The following PKN2 variants were observed in gnomAD, a reference collection of about 807,000 sequenced individuals.
PKN2 encodes the protein serine/threonine-protein kinase N2.
PKN2 carries 38 observed loss-of-function variants against 119.1 expected under a neutral mutation model. The observed-to-expected ratio is 0.32, with a 90% CI of 0.25 to 0.42. The LOEUF (loss-of-function observed/expected upper bound fraction) is 0.42. Ranked by LOEUF, PKN2 falls within the 10% of genes least tolerant of loss-of-function variation. The pLI, the probability that PKN2 is intolerant of heterozygous loss-of-function variation, is 1.00. For missense variants in PKN2, 850 were observed against 1,165.1 expected (o/e 0.73, Z 3.94); for synonymous variants, 390 against 384.9 (o/e 1.01, Z -0.15).
chr1:88,717,895 A>G (rs532574571), intron 1 of PKN2, among the ~76,000 whole-genome samples: 1 of 152,216 alleles, frequency 6.6e-6, no homozygotes, highest in African/African-American at 2.4e-5. Context: ...TAGAATTTTC[A>G]GCTTTTCTGC....
At chr1:88,696,801 G>A (rs1272190439) in intron 1 of PKN2, among the ~76,000 whole-genome samples, 1 of 151,976 alleles carries the variant, frequency 6.6e-6, no homozygotes, top group African/African-American at 2.4e-5. Context: ...ACTTTCCATC[G>A]ATTATAGAAT....
At chr1:88,740,063 C>G (rs1012423675) in intron 1 of PKN2, among the ~76,000 whole-genome samples, 1 of 151,908 alleles carries the variant, frequency 6.6e-6, no homozygotes, top group East Asian at 1.9e-4. Flanking sequence ...TATTTACATA[C>G]CACTTGTATT....
chr1:88,783,398 TA>T (rs748201327), intron 6 of PKN2, among the ~76,000 whole-genome samples: 2 of 152,202 alleles, frequency 1.3e-5, no homozygotes, highest in Non-Finnish European at 2.9e-5. Context: ...GGAGCAATCT[TA>T]GGGCTTATCT....
intron 2 of PKN2, among the ~76,000 whole-genome samples, chr1:88,754,891 C>A (rs1669139988): frequency 6.6e-6 from 1 of 152,130 alleles, no homozygotes; most frequent in South Asian, 2.1e-4. Flanking sequence ...GTATAACATA[C>A]ATTTTGAATT....
At chr1:88,715,343 T>A (rs530822765) in intron 1 of PKN2, among the ~76,000 whole-genome samples, 1 of 152,376 alleles carries the variant, frequency 6.6e-6, no homozygotes, top group Non-Finnish European at 1.5e-5. Context: ...GAAGGAATGG[T>A]ACCAGCTCTT....
intron 18 of PKN2, among the ~76,000 whole-genome samples, chr1:88,827,627 CCCTTCCCTT>C (rs1273829997): frequency 1.6e-5 from 2 of 127,246 alleles, no homozygotes; most frequent in Non-Finnish European, 3.2e-5. Flanking sequence ...CCCTTCCCTT[CCCTTCCCTT>C]CCCTCCCCTC....
chr1:88,761,406 G>T (rs993950796), intron 3 of PKN2, among the ~76,000 whole-genome samples: 10 of 149,916 alleles, frequency 6.7e-5, no homozygotes, highest in Non-Finnish European at 4.4e-5. Context: ...TTCTTTTTTT[G>T]TTTCAGTTTA....
intron 2 of PKN2, among the ~76,000 whole-genome samples, chr1:88,742,571 G>A (rs185899318): frequency 1.3e-5 from 2 of 152,024 alleles, no homozygotes; most frequent in Admixed American, 1.3e-4. Flanking sequence ...TAAAAAGAAC[G>A]CTTCAGCTCT....
At chr1:88,747,505 A>G (rs1284298776) in intron 2 of PKN2, among the ~76,000 whole-genome samples, 1 of 152,188 alleles carries the variant, frequency 6.6e-6, no homozygotes, top group Non-Finnish European at 1.5e-5. Flanking sequence ...AAAATGGAGT[A>G]GTAATCTAAG....
chr1:88,810,892 C>A (rs1462079687), intron 15 of PKN2, among the ~76,000 whole-genome samples: 2 of 152,246 alleles, frequency 1.3e-5, no homozygotes, highest in Non-Finnish European at 2.9e-5. Context: ...CAGGCATGAG[C>A]CACTGTGCCT....
At chr1:88,830,589 G>A (rs897313041) in intron 19 of PKN2, among the ~76,000 whole-genome samples, 6 of 151,912 alleles carry the variant, frequency 3.9e-5, no homozygotes, top group African/African-American at 7.3e-5. Context: ...GATGACATGT[G>A]CAAAATATGA....
In PKN2 at chr1:88,741,122, A is replaced by G. The variant is rs1422510280; in HGVS notation, c.183A>G (p.Lys61=). The G allele has an allele frequency of 3.7e-5, 60 of 1,613,056 alleles. No individual in the cohort carries two copies. The highest frequency in any genetic ancestry group is 5.1e-5 in the Non-Finnish European group (60 of 1,179,610). ...RIKREIRKEL[K]IKEGAENLRK... ...AGAGAGAAATAAGGAAAGAACTGAAAATCAAAGAAGGAGCTGAAAATCTGA... is the reference window on the plus strand; with the variant it reads ...AGAGAGAAATAAGGAAAGAACTGAAGATCAAAGAAGGAGCTGAAAATCTGA... The change falls in exon 2 of 22, where the codon AAA becomes AAG. Residue 61 remains lysine, a synonymous_variant. Transcript: ENST00000370521.
At chr1:88,713,648 G>C (rs12404690) in intron 1 of PKN2, among the ~76,000 whole-genome samples, 76,182 of 151,940 alleles carry the variant, frequency 0.5, 19,918 homozygotes, top group Middle Eastern at 0.71. Flanking sequence ...TTGTAAATTT[G>C]TTTAAGTTCT....
At chr1:88,691,198 G>A (rs1341928243) in intron 1 of PKN2, among the ~76,000 whole-genome samples, 1 of 152,000 alleles carries the variant, frequency 6.6e-6, no homozygotes, top group Non-Finnish European at 1.5e-5. Context: ...CAAGTAGCTG[G>A]TACTATAGGT....
chr1:88,737,858 A>AT (rs1264894730), intron 1 of PKN2, among the ~76,000 whole-genome samples: 1 of 152,086 alleles, frequency 6.6e-6, no homozygotes, highest in Non-Finnish European at 1.5e-5. Context: ...GGGAGAGGTG[A>AT]TTCAGGCATT....
intron 3 of PKN2, among the ~76,000 whole-genome samples, chr1:88,762,813 A>G (rs1269020003): frequency 1.3e-5 from 2 of 152,250 alleles, no homozygotes; most frequent in Admixed American, 1.3e-4. Flanking sequence ...TTTGGCATTT[A>G]ATAAAAAATT....
chr1:88,780,004 A>G (rs1670270414), intron 6 of PKN2, among the ~76,000 whole-genome samples: 1 of 152,218 alleles, frequency 6.6e-6, no homozygotes, highest in Non-Finnish European at 1.5e-5. Context: ...TTACAGTTTC[A>G]GGGTTAGGTG....
intron 16 of PKN2, among the ~76,000 whole-genome samples, chr1:88,820,362 C>T (rs986820356): frequency 4.7e-5 from 7 of 149,814 alleles, no homozygotes; most frequent in South Asian, 2.1e-4. Context: ...GGAGAAACCC[C>T]GTCTCCACTA....
chr1:88,726,782 G>A (rs1667915627), intron 1 of PKN2, among the ~76,000 whole-genome samples: 2 of 151,690 alleles, frequency 1.3e-5, no homozygotes, highest in Admixed American at 1.3e-4. Context: ...TGAAGAATTG[G>A]TTCATTTCAT....
Sources: allele counts gnomAD v4.1 joint callset (sites outside exome capture counted in the v4.1 genomes callset), GRCh38; gene constraint gnomAD v4.1.1; transcripts MANE v1.5; gene names NCBI Gene and HGNC (gene_info 2026-07-23, HGNC 2026-07-21).